The following SMURF2 variants were observed in gnomAD, a reference collection of about 807,000 sequenced individuals.
The protein encoded by SMURF2 is SMAD specific E3 ubiquitin protein ligase 2.
SMURF2 carries 48 observed loss-of-function variants against 109.6 expected under a neutral mutation model. That is an observed-to-expected ratio of 0.44 (90% confidence interval 0.35 to 0.56). The LOEUF is 0.56. Ranked by LOEUF, SMURF2 falls within the 20% of genes least tolerant of loss-of-function variation. SMURF2 has a pLI of 0.01. For missense variants in SMURF2, 575 were observed against 909.0 expected (o/e 0.63, Z 4.72); for synonymous variants, 288 against 317.1 (o/e 0.91, Z 0.97).
In SMURF2 at chr17:64,611,299, G is replaced by A. The variant is rs563413282; in HGVS notation, c.53-4659C>T. Reference sequence around the variant, plus strand: ...TCCTCTCTCTCAAAAAATAAAATCCGAAGAGCCACTTTTCCATATATTCTC... The same window carrying A: ...TCCTCTCTCTCAAAAAATAAAATCCAAAGAGCCACTTTTCCATATATTCTC... On this transcript the variant is annotated intron_variant, in intron 1 of 18. Coordinates refer to ENST00000262435, the MANE Select transcript of SMURF2 (RefSeq NM_022739.4). Among the ~76,000 whole-genome samples, 16 of 152,090 alleles carry A rather than the reference G, an allele frequency of 1.1e-4. No homozygotes were observed. In the South Asian group the frequency reaches 1.9e-3, roughly 18 times the overall value.
In SMURF2 at chr17:64,581,843, G is replaced by C. The variant is rs1363321010; in HGVS notation, c.570-852C>G. Among the ~76,000 whole-genome samples, 3 of 151,950 alleles carry C rather than the reference G, an allele frequency of 2.0e-5. No homozygotes were observed. Among genetic ancestry groups the C allele is most frequent in the Non-Finnish European group, 4.4e-5 (3 of 67,998 alleles). ...GCCTGTAGTCCCAGCTACTCGGGAG[G>C]CTGAGGTACGAGAATTGCTTGAATC... On this transcript the variant is annotated intron_variant, in intron 7 of 18. Transcript: ENST00000262435. This position sits in a 1 kb window ranked among gnomAD's most constrained non-coding sequence, Gnocchi z 4.3.
intron 1 of SMURF2, among the ~76,000 whole-genome samples, chr17:64,607,108 C>T (rs1440807601): frequency 6.8e-6 from 1 of 146,048 alleles, no homozygotes; most frequent in Non-Finnish European, 1.5e-5. Flanking sequence ...TGTTCTCCAT[C>T]TAAATGCCAC....
chr17:64,639,187 CTCAT>C (rs1970461196), intron 1 of SMURF2, among the ~76,000 whole-genome samples: 1 of 151,998 alleles, frequency 6.6e-6, no homozygotes. Context: ...TATGAATTTT[CTCAT>C]TCATATATTA....
intron 1 of SMURF2, among the ~76,000 whole-genome samples, chr17:64,625,998 G>C (rs1349518310): frequency 3.3e-5 from 5 of 152,112 alleles, no homozygotes; most frequent in African/African-American, 9.7e-5. Context: ...TAGGGGCTGG[G>C]CCTGGTGGCT....
chr17:64,586,476 C>T (rs1416433846), intron 5 of SMURF2, among the ~76,000 whole-genome samples: 4 of 152,134 alleles, frequency 2.6e-5, no homozygotes, highest in Admixed American at 6.5e-5. Context: ...TAGCTGGGCG[C>T]GGTGGCTCAT....
At chr17:64,569,399 A>G (rs1414615560) in intron 10 of SMURF2, among the ~76,000 whole-genome samples, 1 of 149,790 alleles carries the variant, frequency 6.7e-6, no homozygotes, top group East Asian at 1.9e-4. Flanking sequence ...ATTTACTTGT[A>G]GTGTGAATTT....
intron 5 of SMURF2, among the ~76,000 whole-genome samples, chr17:64,588,146 T>G (rs1402838366): frequency 1.4e-5 from 2 of 148,112 alleles, no homozygotes; most frequent in African/African-American, 4.9e-5. Flanking sequence ...TTTTAAAAAT[T>G]CAGTATAATC....
intron 5 of SMURF2, among the ~76,000 whole-genome samples, chr17:64,590,271 A>G (rs868957288): frequency 1.3e-5 from 2 of 150,762 alleles, no homozygotes; most frequent in Non-Finnish European, 2.9e-5. Context: ...CCTCCCGAGT[A>G]GCTGGGATTA....
chr17:64,602,839 T>G (rs1450315719), intron 2 of SMURF2, among the ~76,000 whole-genome samples: 3 of 151,962 alleles, frequency 2.0e-5, no homozygotes, highest in Non-Finnish European at 4.4e-5. Flanking sequence ...GAAGCAGAAT[T>G]GCTTGAACCT....
At chr17:64,597,236 T>G (rs1969830855) in intron 3 of SMURF2, among the ~76,000 whole-genome samples, 1 of 151,898 alleles carries the variant, frequency 6.6e-6, no homozygotes, top group Admixed American at 6.6e-5. Flanking sequence ...AGACCCCATC[T>G]CTACAAAAAA....
chr17:64,630,976 A>G (rs1555691524), intron 1 of SMURF2, among the ~76,000 whole-genome samples: 1 of 151,890 alleles, frequency 6.6e-6, no homozygotes, highest in Non-Finnish European at 1.5e-5. Flanking sequence ...CAGCTTCATA[A>G]GAGTAGTGGG....
rs8069691 is a variant in SMURF2 at position 64,630,114 on chromosome 17, T to C, written c.53-23474A>G. ...AGCCAGGCATGGTGGTGCACGCCTG[T>C]AGTCCCAGCTACTCAGGAGGCTGAG... On this transcript the variant is annotated intron_variant, in intron 1 of 18. Transcript: ENST00000262435. 3.1e-3 allele frequency among the ~76,000 whole-genome samples: 465 copies of C among 152,120 alleles called. 2 individuals are homozygous for C. The highest frequency in any genetic ancestry group is 0.011 in the African/African-American group (452 of 41,512).
At chr17:64,633,914 T>C (rs1450746498) in intron 1 of SMURF2, among the ~76,000 whole-genome samples, 1 of 152,094 alleles carries the variant, frequency 6.6e-6, no homozygotes, top group African/African-American at 2.4e-5. Flanking sequence ...CCCAACACTT[T>C]AGGAGGCCGA....
At chr17:64,623,275 CATT>C (rs1970227893) in intron 1 of SMURF2, among the ~76,000 whole-genome samples, 1 of 152,168 alleles carries the variant, frequency 6.6e-6, no homozygotes, top group African/African-American at 2.4e-5. Flanking sequence ...TTCACTAGAT[CATT>C]AAGTTCCATG....
intron 1 of SMURF2, among the ~76,000 whole-genome samples, chr17:64,645,104 C>A (rs1970542898): frequency 6.6e-6 from 1 of 151,666 alleles, no homozygotes; most frequent in South Asian, 2.1e-4. Context: ...GGCAACAGCA[C>A]TGTCAAAAAC....
intron 12 of SMURF2, among the ~76,000 whole-genome samples, chr17:64,559,204 C>T (rs1334730829): frequency 6.6e-6 from 1 of 152,150 alleles, no homozygotes; most frequent in African/African-American, 2.4e-5. Flanking sequence ...CAGAACTCAA[C>T]TACTTTGAGA....
intron 11 of SMURF2, among the ~76,000 whole-genome samples, chr17:64,562,505 G>A (rs191788101): frequency 0.071 from 10,619 of 150,110 alleles, 509 homozygotes; most frequent in Admixed American, 0.13. Context: ...TCAGCCTCCC[G>A]AGTAGCTGGG....
At chr17:64,597,229 C>A (rs564908266) in intron 3 of SMURF2, among the ~76,000 whole-genome samples, 1 of 151,956 alleles carries the variant, frequency 6.6e-6, no homozygotes, top group Admixed American at 6.6e-5. Context: ...TATAGCAAGA[C>A]CCCATCTCTA....
chr17:64,591,210 C>T (rs1304594133), intron 4 of SMURF2, 61 bp from the exon 5 acceptor site: 2 of 1,183,140 alleles, frequency 1.7e-6, no homozygotes, highest in Admixed American at 1.9e-5. Context: ...ATTCTAACAT[C>T]TATAGAGTGA....
Sources: gnomAD v4.1 joint callset for allele counts (sites outside exome capture counted in the v4.1 genomes callset) on GRCh38, gnomAD v4.1.1 for gene constraint, Gnocchi (gnomAD v3.1) non-coding constraint, MANE v1.5 for transcripts, NCBI Gene and HGNC (gene_info 2026-07-23, HGNC 2026-07-21) for gene names.